Variants in MYO3B observed in about 807,000 individuals in gnomAD.
MYO3B encodes myosin-IIIb.
A neutral mutation model predicts 174.6 loss-of-function variants in MYO3B; 156 were observed. That is an observed-to-expected ratio of 0.89 (90% CI 0.78 to 1.02). MYO3B has a LOEUF of 1.02. Among genes scored for constraint, MYO3B ranks in the 50% least tolerant of loss-of-function variants. MYO3B has a pLI of 0.00. For synonymous variants in MYO3B, 563 were observed against 569.1 expected, an observed-to-expected ratio of 0.99 and a Z score of 0.15; for missense variants, 1,632 against 1,639.4, an observed-to-expected ratio of 1.00 and a Z score of 0.08.
At chr2:170,509,906 C>T (rs1349150074) in intron 28 of MYO3B, among the ~76,000 whole-genome samples, 7 of 152,188 alleles carry the variant, frequency 4.6e-5, no homozygotes, top group African/African-American at 1.7e-4. Flanking sequence ...GGGTGATGGG[C>T]AGCCTAACAG....
intron 32 of MYO3B, chr2:170,647,009 C>G: frequency 1.1e-6 from 1 of 928,112 alleles, no homozygotes; most frequent in Non-Finnish European, 1.6e-6. Context: ...TACTGTCCAT[C>G]ATATGGAACG....
intron 9 of MYO3B, among the ~76,000 whole-genome samples, chr2:170,371,842 C>T (rs375033462): frequency 4.2e-5 from 6 of 142,410 alleles, no homozygotes; most frequent in Admixed American, 7.1e-5. Context: ...GTGGCTCACA[C>T]GTGTAATCCC....
At chr2:170,438,413 A>G (rs2094772545) in intron 22 of MYO3B, among the ~76,000 whole-genome samples, 1 of 147,490 alleles carries the variant, frequency 6.8e-6, no homozygotes, top group Admixed American at 6.7e-5. Flanking sequence ...TCTCTTGGAG[A>G]TCTTGTTTTC....
chr2:170,328,209 A>C (rs566215974), intron 7 of MYO3B, among the ~76,000 whole-genome samples: 1 of 152,162 alleles, frequency 6.6e-6, no homozygotes, highest in Non-Finnish European at 1.5e-5. Flanking sequence ...CCACATATGC[A>C]TATTTTGAAT....
intron 2 of MYO3B, among the ~76,000 whole-genome samples, chr2:170,199,771 T>G (rs560034295): frequency 3.3e-5 from 5 of 152,354 alleles, no homozygotes; most frequent in African/African-American, 1.2e-4. Context: ...TATGCTGTTT[T>G]GCACAGTGAG....
rs532473046 is a variant in MYO3B, at chr2:170,224,289, G to C, written c.603+6894G>C. ...AGTGAGGCTTAAAGAGCTATAGGAG[G>C]AATCGAGCCCAAATTCACATACCTA... On this transcript the variant is annotated intron_variant, in intron 6 of 34. Coordinates refer to ENST00000408978, the MANE Select transcript of MYO3B (RefSeq NM_138995.5). Among the ~76,000 whole-genome samples the C allele has an allele frequency of 3.3e-5, 5 of 152,274 alleles. No individual in the cohort carries two copies. In the South Asian group the frequency reaches 1.0e-3, roughly 32 times the overall value.
chr2:170,510,292 A>G (rs976525094), intron 28 of MYO3B, among the ~76,000 whole-genome samples: 1 of 152,184 alleles, frequency 6.6e-6, no homozygotes, highest in Non-Finnish European at 1.5e-5. Flanking sequence ...AGGAGGCCTT[A>G]TTTTTTAAAA....
At chr2:170,614,675 G>A (rs1695332342) in intron 32 of MYO3B, among the ~76,000 whole-genome samples, 1 of 152,152 alleles carries the variant, frequency 6.6e-6, no homozygotes, top group African/African-American at 2.4e-5. Context: ...AATCTCCCAG[G>A]TGATGTTGAT....
chr2:170,270,236 A>G (rs2093416118), intron 7 of MYO3B, among the ~76,000 whole-genome samples: 1 of 152,128 alleles, frequency 6.6e-6, no homozygotes, highest in Non-Finnish European at 1.5e-5. Flanking sequence ...TACTTGTGTT[A>G]AAAAGGGAAA....
At chr2:170,292,211 G>A (rs1342060792) in intron 7 of MYO3B, among the ~76,000 whole-genome samples, 1 of 152,022 alleles carries the variant, frequency 6.6e-6, no homozygotes, top group Non-Finnish European at 1.5e-5. Context: ...GCTATTGAGA[G>A]TCTCTAATGA....
chr2:170,409,092 A>G (rs140158280), intron 22 of MYO3B, among the ~76,000 whole-genome samples: 1,787 of 152,328 alleles, frequency 0.012, 47 homozygotes, highest in African/African-American at 0.04. Context: ...TGGGAAAAAA[A>G]TCTATCCAAA....
intron 6 of MYO3B, among the ~76,000 whole-genome samples, chr2:170,228,044 G>A (rs1365104575): frequency 6.6e-6 from 1 of 152,168 alleles, no homozygotes; most frequent in Non-Finnish European, 1.5e-5. Flanking sequence ...GCAAGGGAGA[G>A]TGAAGGGACA....
At chr2:170,333,121 T>C (rs1324731181) in intron 7 of MYO3B, among the ~76,000 whole-genome samples, 1 of 152,156 alleles carries the variant, frequency 6.6e-6, no homozygotes, top group Non-Finnish European at 1.5e-5. Context: ...TCAGGAAACC[T>C]GAGAAGATCA....
chr2:170,517,233 T>A (rs747777740), intron 29 of MYO3B, among the ~76,000 whole-genome samples: 2 of 152,260 alleles, frequency 1.3e-5, no homozygotes, highest in South Asian at 4.1e-4. Flanking sequence ...ATACTTCAAA[T>A]AACTCTTAAA....
chr2:170,357,393 T>A (rs796888934), intron 8 of MYO3B, among the ~76,000 whole-genome samples: 1 of 141,152 alleles, frequency 7.1e-6, no homozygotes, highest in Non-Finnish European at 1.6e-5. Flanking sequence ...TATATTATAT[T>A]TTATATATAT....
At chr2:170,480,708 C>G (rs768749886) in intron 25 of MYO3B, among the ~76,000 whole-genome samples, 1 of 152,140 alleles carries the variant, frequency 6.6e-6, no homozygotes, top group Non-Finnish European at 1.5e-5. Context: ...GGACAATGTC[C>G]AAATTGATTT....
intron 7 of MYO3B, among the ~76,000 whole-genome samples, chr2:170,277,049 G>A (rs1230149522): frequency 1.3e-5 from 2 of 152,164 alleles, no homozygotes; most frequent in East Asian, 3.8e-4. Flanking sequence ...AGTGGAAAAT[G>A]TCATGCTGAC....
chr2:170,438,426 T>A (rs932823408), intron 22 of MYO3B, among the ~76,000 whole-genome samples: 2 of 145,326 alleles, frequency 1.4e-5, no homozygotes, highest in Admixed American at 6.7e-5. Flanking sequence ...TTGTTTTCAA[T>A]TCTTTTAGGT....
At position 170,382,013 on chromosome 2, in the gene MYO3B, T is replaced by A. The variant is rs762637966; in HGVS notation, c.972-3T>A. On this transcript the variant is annotated splice_polypyrimidine_tract_variant and splice_region_variant and intron_variant, in intron 9 of 34. Transcript: ENST00000408978. ...TGCTTAAACTCTCTTGATAAATTTCTAGGCATGAGAGGATGCATACCAGAA... is the reference window on the plus strand; with the variant it reads ...TGCTTAAACTCTCTTGATAAATTTCAAGGCATGAGAGGATGCATACCAGAA... The A allele has an allele frequency of 6.2e-7, 1 of 1,610,472 alleles. No individual in the cohort carries two copies. Among genetic ancestry groups the A allele is most frequent in the Non-Finnish European group, 8.5e-7 (1 of 1,177,204 alleles).
Sources: allele counts gnomAD v4.1 joint callset (sites outside exome capture counted in the v4.1 genomes callset), GRCh38; gene constraint gnomAD v4.1.1; transcripts MANE v1.5; gene names NCBI Gene and HGNC (gene_info 2026-07-23, HGNC 2026-07-21).